CTNNA3: variants seen among roughly 807,000 people sequenced by gnomAD.
CTNNA3 encodes catenin alpha 3.
Under a neutral mutation model 95.7 loss-of-function variants are expected in CTNNA3, and 76 were observed. That is an observed-to-expected ratio of 0.79 (90% CI 0.66 to 0.96). The LOEUF is 0.96. CTNNA3 is among the 40% of genes least tolerant of loss of function. CTNNA3 has a pLI of 0.00. For synonymous variants in CTNNA3, 431 were observed against 374.4 expected, an observed-to-expected ratio of 1.15 and a Z score of -1.74; for missense variants, 1,191 against 1,089.8, an observed-to-expected ratio of 1.09 and a Z score of -1.31.
At chr10:66,373,041 A>G (rs2092765730) in intron 12 of CTNNA3, among the ~76,000 whole-genome samples, 1 of 152,136 alleles carries the variant, frequency 6.6e-6, no homozygotes, top group South Asian at 2.1e-4. Context: ...CCTTTATATT[A>G]TTCCTCATTT....
At chr10:67,057,744 C>T (rs1231240466) in intron 7 of CTNNA3, among the ~76,000 whole-genome samples, 1 of 152,122 alleles carries the variant, frequency 6.6e-6, no homozygotes, top group Non-Finnish European at 1.5e-5. Context: ...CGATGAGCTT[C>T]TTCTTCACTC....
intron 13 of CTNNA3, among the ~76,000 whole-genome samples, chr10:66,253,318 C>T (rs1319732945): frequency 6.6e-6 from 1 of 151,502 alleles, no homozygotes; most frequent in Non-Finnish European, 1.5e-5. Context: ...AAAGACAATA[C>T]ATCTCTTCAA....
intron 13 of CTNNA3, among the ~76,000 whole-genome samples, chr10:66,270,291 A>AC (rs112976930): frequency 0.048 from 7,295 of 151,682 alleles, 334 homozygotes; most frequent in African/African-American, 0.11. Flanking sequence ...TGTAGCCTCG[A>AC]TCCCCCAGGG....
intron 9 of CTNNA3, among the ~76,000 whole-genome samples, chr10:66,720,458 G>A (rs1848591873): frequency 1.3e-5 from 2 of 152,146 alleles, no homozygotes; most frequent in South Asian, 2.1e-4. Context: ...GGACAAAACC[G>A]CCTTCTCCAG....
intron 7 of CTNNA3, among the ~76,000 whole-genome samples, chr10:66,997,385 A>C (rs1235612052): frequency 6.6e-6 from 1 of 152,216 alleles, no homozygotes; most frequent in East Asian, 1.9e-4. Flanking sequence ...ACCTGTGTTA[A>C]ATTGTTTTAA....
intron 13 of CTNNA3, among the ~76,000 whole-genome samples, chr10:66,136,574 T>C (rs2083362857): frequency 2.0e-5 from 3 of 152,186 alleles, no homozygotes; most frequent in African/African-American, 4.8e-5. Context: ...TTAACACTTT[T>C]CTCCATCACT....
intron 9 of CTNNA3, among the ~76,000 whole-genome samples, chr10:66,667,617 A>G (rs1376105246): frequency 6.6e-6 from 1 of 152,168 alleles, no homozygotes; most frequent in Non-Finnish European, 1.5e-5. Context: ...TGGCTCTAGT[A>G]TACTTTCTAA....
intron 7 of CTNNA3, among the ~76,000 whole-genome samples, chr10:66,901,983 A>T (rs767096794): frequency 2.6e-5 from 4 of 152,220 alleles, no homozygotes; most frequent in Non-Finnish European, 4.4e-5. Flanking sequence ...ACAGAAGGCT[A>T]ACAAGGATAT....
chr10:66,285,909 A>T (rs749446847), intron 12 of CTNNA3, among the ~76,000 whole-genome samples: 2 of 151,900 alleles, frequency 1.3e-5, no homozygotes, highest in African/African-American at 4.8e-5. Flanking sequence ...TTCACTAAAC[A>T]TTAAATTTTT....
intron 5 of CTNNA3, among the ~76,000 whole-genome samples, chr10:67,350,565 T>TAAAAA (rs11338454): frequency 8.0e-6 from 1 of 125,080 alleles, no homozygotes; most frequent in Non-Finnish European, 1.7e-5. Context: ...AAATGGTTAG[T>TAAAAA]AAAAAAAAAA....
At chr10:67,758,349 C>CACAT (rs1841445291) in intron 1 of CTNNA3, among the ~76,000 whole-genome samples, 1 of 151,272 alleles carries the variant, frequency 6.6e-6, no homozygotes, top group South Asian at 2.1e-4. Flanking sequence ...CACACACACA[C>CACAT]ACACACATAT....
chr10:66,628,766 C>T (rs913457756), intron 9 of CTNNA3, among the ~76,000 whole-genome samples: 1 of 152,038 alleles, frequency 6.6e-6, no homozygotes, highest in Admixed American at 6.6e-5. Context: ...AGATGGAACA[C>T]TAGAAGTTCT....
At chr10:66,176,162 G>A (rs1255270773) in intron 13 of CTNNA3, among the ~76,000 whole-genome samples, 1 of 152,150 alleles carries the variant, frequency 6.6e-6, no homozygotes, top group Non-Finnish European at 1.5e-5. Context: ...GTGTGCATGT[G>A]TGCACACACA....
At chr10:66,815,371 C>G (rs918695661) in intron 7 of CTNNA3, among the ~76,000 whole-genome samples, 1 of 152,074 alleles carries the variant, frequency 6.6e-6, no homozygotes. Flanking sequence ...CAATTCACTT[C>G]GCTGGTGAGA....
chr10:66,417,203 T>C (rs892825360), intron 11 of CTNNA3, among the ~76,000 whole-genome samples: 8 of 151,994 alleles, frequency 5.3e-5, no homozygotes, highest in Non-Finnish European at 1.2e-4. Flanking sequence ...AAAAGATATT[T>C]AACTCTAACA....
chr10:67,538,217 CAAA>C (rs750095476), intron 4 of CTNNA3, among the ~76,000 whole-genome samples: 2 of 112,912 alleles, frequency 1.8e-5, no homozygotes, highest in Non-Finnish European at 3.6e-5. Context: ...ATAAAACTAT[CAAA>C]AGAAAAAAAT....
intron 7 of CTNNA3, among the ~76,000 whole-genome samples, chr10:66,954,732 A>C (rs1428187886): frequency 6.6e-6 from 1 of 152,172 alleles, no homozygotes; most frequent in Non-Finnish European, 1.5e-5. Context: ...GTCACAGCCC[A>C]GGTATACCCT....
At chr10:66,095,276 A>G (rs1189135927) in intron 14 of CTNNA3, among the ~76,000 whole-genome samples, 2 of 152,138 alleles carry the variant, frequency 1.3e-5, no homozygotes, top group Admixed American at 1.3e-4. Flanking sequence ...GAGGAAAAGG[A>G]AACCATGAAA....
chr10:66,086,837 T>A (rs745978200), intron 14 of CTNNA3, among the ~76,000 whole-genome samples: 5 of 152,022 alleles, frequency 3.3e-5, no homozygotes, highest in African/African-American at 7.2e-5. Context: ...GCGCTACTGG[T>A]GATAGAGTAG....
Sources: gnomAD v4.1 joint callset for allele counts (sites outside exome capture counted in the v4.1 genomes callset) on GRCh38, gnomAD v4.1.1 for gene constraint, MANE v1.5 for transcripts, NCBI Gene and HGNC (gene_info 2026-07-23, HGNC 2026-07-21) for gene names.